Variants in C11orf97 observed in about 807,000 individuals in gnomAD.
C11orf97 encodes uncharacterized protein C11orf97.
Under a neutral mutation model 16.2 loss-of-function variants are expected in C11orf97, and 15 were observed. The observed-to-expected ratio is 0.93, with a 90% CI of 0.62 to 1.43. The LOEUF is 1.43. Among genes scored for constraint, C11orf97 ranks in the 40% most tolerant of loss-of-function variants. The pLI, the probability that C11orf97 is intolerant of heterozygous loss-of-function variation, is 0.00. For synonymous variants in C11orf97, 61 were observed against 65.7 expected (o/e 0.93, Z 0.34); for missense variants, 171 against 161.2 (o/e 1.06, Z -0.33).
chr11:94,524,986 G>A (rs1482688408), intron 2 of C11orf97, among the ~76,000 whole-genome samples: 1 of 146,538 alleles, frequency 6.8e-6, no homozygotes, highest in Non-Finnish European at 1.5e-5. Flanking sequence ...TTGAACCCAG[G>A]AGGCGAATGT....
intron 2 of C11orf97, among the ~76,000 whole-genome samples, chr11:94,518,395 C>T (rs1855921738): frequency 7.6e-6 from 1 of 131,226 alleles, no homozygotes; most frequent in Admixed American, 7.5e-5. Flanking sequence ...GCATATTTGG[C>T]ACAGTATGTC....
intron 1 of C11orf97, among the ~76,000 whole-genome samples, chr11:94,516,819 A>G (rs1351672701): frequency 2.6e-5 from 4 of 152,220 alleles, no homozygotes; most frequent in Non-Finnish European, 4.4e-5. Context: ...TCAGGTAGCA[A>G]AAACAGCATG....
intron 3 of C11orf97, among the ~76,000 whole-genome samples, chr11:94,528,472 A>G (rs1173766068): frequency 6.6e-6 from 1 of 152,188 alleles, no homozygotes; most frequent in African/African-American, 2.4e-5. Context: ...TTTACTTTCT[A>G]TCTACACAAG....
In C11orf97 at chr11:94,512,504, A is replaced by G; in HGVS notation, c.-25A>G. On this transcript the variant is annotated 5_prime_UTR_variant, in exon 1 of 4. Transcript: ENST00000542198. The stretch of plus-strand genomic sequence containing the variant: ...CTGAGCTGAGAAGGAAACCGTGCCC[A>G]GGGCTCTCGGAAGACCGCTGCGGCA... 7.8e-7 allele frequency: 1 copy of G among 1,279,424 alleles called. No individual in the cohort carries two copies. Among genetic ancestry groups the G allele is most frequent in the Non-Finnish European group, 9.9e-7 (1 of 1,012,936 alleles). The allele number at this position is 1,279,424 out of a possible 1,614,324, so 79.3% of individuals were successfully genotyped here.
intron 2 of C11orf97, among the ~76,000 whole-genome samples, chr11:94,520,886 A>G (rs1364127096): frequency 6.6e-6 from 1 of 152,192 alleles, no homozygotes. Flanking sequence ...TGTCACCTCC[A>G]TGCTTAAAGT....
intron 2 of C11orf97, among the ~76,000 whole-genome samples, chr11:94,519,685 G>T (rs1290421605): frequency 6.6e-6 from 1 of 152,210 alleles, no homozygotes; most frequent in Non-Finnish European, 1.5e-5. Flanking sequence ...ACTAGAGGTC[G>T]CACAGAGGTA....
intron 3 of C11orf97, among the ~76,000 whole-genome samples, chr11:94,529,975 C>A (rs1222203935): frequency 6.6e-6 from 1 of 152,152 alleles, no homozygotes; most frequent in African/African-American, 2.4e-5. Context: ...TCCAAGAAAA[C>A]TCACTAAGTA....
chr11:94,529,046 AAGGT>A (rs1339306154), intron 3 of C11orf97, among the ~76,000 whole-genome samples: 1 of 152,124 alleles, frequency 6.6e-6, no homozygotes, highest in Non-Finnish European at 1.5e-5. Context: ...TTAGGAGGCC[AAGGT>A]AGGCAGAAAC....
intron 2 of C11orf97, among the ~76,000 whole-genome samples, chr11:94,523,952 C>CT (rs1947679305): frequency 6.6e-6 from 1 of 152,146 alleles, no homozygotes; most frequent in South Asian, 2.1e-4. Context: ...AAATAATGGG[C>CT]TAACAGGCCT....
chr11:94,515,850 C>A (rs1302840386), intron 1 of C11orf97, among the ~76,000 whole-genome samples: 1 of 152,116 alleles, frequency 6.6e-6, no homozygotes, highest in Non-Finnish European at 1.5e-5. Flanking sequence ...ATGATTTCTT[C>A]TGTGCATTTT....
rs145937541 is a variant in C11orf97 at position 94,531,119 on chromosome 11, A to G, written c.377-777A>G. 3.1e-4 allele frequency among the ~76,000 whole-genome samples: 47 copies of G among 152,324 alleles called. No individual in the cohort carries two copies. The East Asian group carries it at 8.1e-3, about 26-fold the overall frequency. On this transcript the variant is annotated intron_variant, in intron 3 of 3. Transcript: ENST00000542198. ...AACTGTAGTTCTAAAGCATGTTTCC[A>G]TTAGAGACTGTGAAGCATCTACTGC...
chr11:94,519,444 T>A (rs1947639337), intron 2 of C11orf97, among the ~76,000 whole-genome samples: 1 of 28,018 alleles, frequency 3.6e-5, no homozygotes, highest in Non-Finnish European at 8.1e-5. Flanking sequence ...TTTCTAAGTC[T>A]ATACTGTTAT....
At position 94,532,029 on chromosome 11, in the gene C11orf97, G is replaced by A; in HGVS notation, c.*129G>A. On this transcript the variant is annotated 3_prime_UTR_variant, in exon 4 of 4. Coordinates refer to ENST00000542198, the MANE Select transcript of C11orf97 (RefSeq NM_001190462.2). ...ATGATAGCCTGTAATTACTATTATT[G>A]GTATTAATACCTATCTATAAATTAA... 1 of 641,380 alleles carries A rather than the reference G, an allele frequency of 1.6e-6. No homozygotes were observed. The highest frequency in any genetic ancestry group is 2.4e-6 in the Non-Finnish European group (1 of 408,622). 39.7% of individuals were successfully genotyped at this position (641,380 alleles called of 1,614,324 possible).
chr11:94,514,435 T>C (rs1489818141), intron 1 of C11orf97, among the ~76,000 whole-genome samples: 2 of 152,154 alleles, frequency 1.3e-5, no homozygotes, highest in East Asian at 3.9e-4. Context: ...CTCAGTCAAT[T>C]TTTCAAATGT....
At chr11:94,519,909 T>C (rs1374658276) in intron 2 of C11orf97, among the ~76,000 whole-genome samples, 1 of 152,224 alleles carries the variant, frequency 6.6e-6, no homozygotes, top group East Asian at 1.9e-4. Context: ...CATTGGACAT[T>C]TGCTTCTAAT....
At chr11:94,513,741 T>C (rs1466798479) in intron 1 of C11orf97, among the ~76,000 whole-genome samples, 1 of 152,258 alleles carries the variant, frequency 6.6e-6, no homozygotes, top group Non-Finnish European at 1.5e-5. Context: ...ATCAGCAGCA[T>C]GCAGAGGCCT....
intron 2 of C11orf97, among the ~76,000 whole-genome samples, chr11:94,527,880 G>A (rs991875559): frequency 1.3e-5 from 2 of 152,070 alleles, no homozygotes; most frequent in African/African-American, 4.8e-5. Context: ...CACTGTAGAG[G>A]TTTAATTGCA....
chr11:94,513,895 C>T (rs1947587519), intron 1 of C11orf97, among the ~76,000 whole-genome samples: 1 of 152,170 alleles, frequency 6.6e-6, no homozygotes, highest in Admixed American at 6.5e-5. Context: ...TGCAACTCAG[C>T]CTCCTGGGTT....
rs188161135 is a variant in C11orf97, at chr11:94,517,965, C to T, written c.250+278C>T. On this transcript the variant is annotated intron_variant, in intron 2 of 3. Coordinates refer to ENST00000542198, the MANE Select transcript of C11orf97 (RefSeq NM_001190462.2). The stretch of plus-strand genomic sequence containing the variant: ...GAGATTGAGACTATCCTGGCTAACA[C>T]GGTGAAAACCCGTCTCTACTAAAAA... Among the ~76,000 whole-genome samples, 20 of 151,960 alleles carry T rather than the reference C, an allele frequency of 1.3e-4. No individual in the cohort carries two copies. The East Asian group carries it at 3.7e-3, about 28-fold the overall frequency.
Sources: allele counts gnomAD v4.1 joint callset (sites outside exome capture counted in the v4.1 genomes callset), GRCh38; gene constraint gnomAD v4.1.1; transcripts MANE v1.5; gene names NCBI Gene and HGNC (gene_info 2026-07-23, HGNC 2026-07-21).